RNF217: variants seen among roughly 807,000 people sequenced by gnomAD.
RNF217 encodes E3 ubiquitin-protein ligase RNF217.
RNF217 carries 31 observed loss-of-function variants against 57.8 expected under a neutral mutation model. That is an observed-to-expected ratio of 0.54 (90% CI 0.40 to 0.72). The LOEUF (loss-of-function observed/expected upper bound fraction) is 0.72, where lower values mean the gene tolerates loss of function less well. RNF217 is among the 30% of genes least tolerant of loss of function. The pLI, the probability that RNF217 is intolerant of heterozygous loss-of-function variation, is 0.00. For synonymous variants in RNF217, 313 were observed against 294.0 expected (o/e 1.06, Z -0.66); for missense variants, 696 against 708.3 (o/e 0.98, Z 0.20).
chr6:125,087,242 G>A lies in RNF217; in HGVS notation c.*4305G>A, dbSNP rs1037830338. The A allele has an allele frequency of 2.0e-5, 3 of 152,108 alleles. No individual in the cohort carries two copies. The highest frequency in any genetic ancestry group is 2.1e-4 in the South Asian group (1 of 4,830). 9.4% of individuals were successfully genotyped at this position (152,108 alleles called of 1,614,324 possible). ...TTACATTAGAATTACAAAAAAGTTA[G>A]TGGCCTCTATAACCTTAATTGGCAT... On this transcript the variant is annotated 3_prime_UTR_variant, in exon 6 of 6. Transcript: ENST00000521654.
rs1473347156 is a variant in RNF217 at position 125,090,449 on chromosome 6, G to A, written c.*7512G>A. The A allele has an allele frequency of 6.6e-6, 1 of 151,730 alleles. No homozygotes were observed. The highest frequency in any genetic ancestry group is 1.5e-5 in the Non-Finnish European group (1 of 67,828). 9.4% of individuals were successfully genotyped at this position (151,730 alleles called of 1,614,324 possible). On this transcript the variant is annotated 3_prime_UTR_variant, in exon 6 of 6. Transcript: ENST00000521654. Reference sequence around the variant, plus strand: ...ATGTATATCTATTTCAAAACTGTGGGACAATTATTCATTCTTTTCCCAAAT... The same window carrying A: ...ATGTATATCTATTTCAAAACTGTGGAACAATTATTCATTCTTTTCCCAAAT...
intron 1 of RNF217, among the ~76,000 whole-genome samples, chr6:125,010,571 G>C (rs1173156223): frequency 9.2e-5 from 14 of 152,116 alleles, no homozygotes; most frequent in Admixed American, 9.2e-4. Context: ...TTGTTTAAAT[G>C]TGCTTCAGTT....
chr6:124,995,535 T>G (rs1784714717), intron 1 of RNF217, among the ~76,000 whole-genome samples: 1 of 152,246 alleles, frequency 6.6e-6, no homozygotes, highest in African/African-American at 2.4e-5. Flanking sequence ...TTTGAGATTC[T>G]TTTATATGAG....
intron 3 of RNF217, among the ~76,000 whole-genome samples, chr6:125,062,672 GC>G (rs2114601501): frequency 6.6e-6 from 1 of 152,168 alleles, no homozygotes; most frequent in East Asian, 1.9e-4. Context: ...CGTCTCCCGG[GC>G]TCAAGAGATT....
chr6:125,003,726 A>G (rs527253360), intron 1 of RNF217, among the ~76,000 whole-genome samples: 1 of 152,268 alleles, frequency 6.6e-6, no homozygotes, highest in South Asian at 2.1e-4. Flanking sequence ...TGTCAATTTT[A>G]AAAATACAGG....
At chr6:125,033,146 T>C (rs538634491) in intron 1 of RNF217, among the ~76,000 whole-genome samples, 1 of 152,012 alleles carries the variant, frequency 6.6e-6, no homozygotes, top group East Asian at 1.9e-4. Flanking sequence ...AATTAATACA[T>C]TTCAGAGTTT....
chr6:124,970,875 A>G (rs1172731239), intron 1 of RNF217, among the ~76,000 whole-genome samples: 1 of 152,226 alleles, frequency 6.6e-6, no homozygotes, highest in East Asian at 1.9e-4. Context: ...AGGGATAATC[A>G]CATGTGTCTA....
At chr6:125,064,878 G>A (rs1411792957) in intron 3 of RNF217, among the ~76,000 whole-genome samples, 6 of 151,926 alleles carry the variant, frequency 3.9e-5, no homozygotes, top group Admixed American at 3.9e-4. Flanking sequence ...AAAATGTAGT[G>A]TACCTTAAAA....
At chr6:124,985,886 C>A (rs1355768974) in intron 1 of RNF217, among the ~76,000 whole-genome samples, 1 of 152,034 alleles carries the variant, frequency 6.6e-6, no homozygotes. Flanking sequence ...GGTTATGTTA[C>A]ATTAATCAAC....
rs370491194 is a variant in RNF217 at position 125,064,806 on chromosome 6, A to G, written c.1281+6700A>G. On this transcript the variant is annotated intron_variant, in intron 3 of 5. Transcript: ENST00000521654. ...ACATGTCATCTATACTTGTATGTAT[A>G]TACACATACATATTTATGTGTGTGT... is the stretch of plus-strand genomic sequence containing the variant. Among the ~76,000 whole-genome samples, 259 of 152,244 alleles carry G rather than the reference A, an allele frequency of 1.7e-3. 4 individuals carry two copies. The South Asian group carries it at 0.041, about 24-fold the overall frequency.
At chr6:125,003,705 A>G (rs1785067506) in intron 1 of RNF217, among the ~76,000 whole-genome samples, 1 of 152,158 alleles carries the variant, frequency 6.6e-6, no homozygotes, top group African/African-American at 2.4e-5. Context: ...AAATATGTAT[A>G]TATAATTATT....
chr6:124,967,331 T>G (rs1316060116), intron 1 of RNF217, among the ~76,000 whole-genome samples: 1 of 152,246 alleles, frequency 6.6e-6, no homozygotes, highest in Admixed American at 6.5e-5. Context: ...TGTTGCCTTC[T>G]TTGTTTCACA....
chr6:125,060,033 C>T (rs900096293), intron 3 of RNF217, among the ~76,000 whole-genome samples: 1 of 152,070 alleles, frequency 6.6e-6, no homozygotes, highest in African/African-American at 2.4e-5. Flanking sequence ...TTAAGCATGA[C>T]TTTAAAACTT....
intron 1 of RNF217, among the ~76,000 whole-genome samples, chr6:124,968,200 G>A (rs185609521): frequency 3.8e-4 from 58 of 152,312 alleles, no homozygotes; most frequent in African/African-American, 1.3e-3. Flanking sequence ...AACCTGTCAT[G>A]CCCGGTGTGG....
chr6:125,059,676 C>T (rs1787658091), intron 3 of RNF217, among the ~76,000 whole-genome samples: 1 of 152,096 alleles, frequency 6.6e-6, no homozygotes, highest in African/African-American at 2.4e-5. Flanking sequence ...AATCTCTTAA[C>T]CCAACCTTAA....
At chr6:124,971,822 T>C (rs933812661) in intron 1 of RNF217, among the ~76,000 whole-genome samples, 2 of 152,256 alleles carry the variant, frequency 1.3e-5, no homozygotes, top group Non-Finnish European at 2.9e-5. Flanking sequence ...TCATTCCTTT[T>C]GTCAGAACTT....
chr6:124,963,363 G>T lies in RNF217; in HGVS notation c.819G>T (p.Lys273Asn). 6.6e-7 allele frequency: 1 copy of T among 1,525,120 alleles called. No homozygotes were observed. The highest frequency in any genetic ancestry group is 1.7e-4 in the Middle Eastern group (1 of 5,898). The allele number at this position is 1,525,120 out of a possible 1,614,324, so 94.5% of individuals were successfully genotyped here. ...TGTGCCTGGAAGACAAGCCCATCAA[G>T]CCCCTGCCTTGCTGCAAGAAGGCCG... The part of the protein sequence containing the change: ...CRVCLEDKPI[K>N]PLPCCKKAVC... Residue 273 changes from lysine (K) to asparagine (N), a missense_variant, in exon 1 of 6, where the codon AAG (lysine) becomes AAT (asparagine). Physicochemically the swap from Lys to Asn is moderately conservative, Grantham distance 94. Coordinates refer to ENST00000521654, the MANE Select transcript of RNF217 (RefSeq NM_001286398.3).
In RNF217 at chr6:125,081,513, A is replaced by C; in HGVS notation, c.1555+6A>C. On this transcript the variant is annotated splice_donor_region_variant and intron_variant, in intron 5 of 5. Coordinates refer to ENST00000521654, the MANE Select transcript of RNF217 (RefSeq NM_001286398.3). The stretch of plus-strand genomic sequence containing the variant: ...GGCCATAGCGGTTGTAATCGGTAAG[A>C]AACACTTCATGCATCTGAGATTAGA... The C allele has an allele frequency of 1.2e-6, 2 of 1,604,974 alleles. No homozygotes were observed. Among genetic ancestry groups the C allele is most frequent in the Non-Finnish European group, 1.7e-6 (2 of 1,172,708 alleles).
chr6:124,963,388 G>C lies in RNF217; in HGVS notation c.844G>C (p.Val282Leu). The change falls in exon 1 of 6, where the codon GTG (valine) becomes CTG (leucine). Residue 282 changes from valine (V) to leucine (L), a missense_variant. By Grantham distance (32) the Val-to-Leu change is conservative. Around this residue, in one of 2 missense-constraint regions of RNF217, gnomAD observed 231 missense variants for 321.4 expected, o/e 0.72. Transcript: ENST00000521654. ...GCCCCTGCCTTGCTGCAAGAAGGCC[G>C]TGTGCGAGGAGTGCCTCAAAGTCTA... ...IKPLPCCKKA[V>L]CEECLKVYLS... The C allele has an allele frequency of 1.3e-6, 2 of 1,504,834 alleles. No homozygotes were observed. Among genetic ancestry groups the C allele is most frequent in the Non-Finnish European group, 1.8e-6 (2 of 1,132,182 alleles). 93.2% of individuals were successfully genotyped at this position (1,504,834 alleles called of 1,614,324 possible).
Sources: allele counts gnomAD v4.1 joint callset (sites outside exome capture counted in the v4.1 genomes callset), GRCh38; gene constraint gnomAD v4.1.1; regional missense constraint gnomAD v4.1.1; transcripts MANE v1.5; gene names NCBI Gene and HGNC (gene_info 2026-07-23, HGNC 2026-07-21).